CBLB: variants seen among roughly 807,000 people sequenced by gnomAD.
The protein encoded by CBLB is E3 ubiquitin-protein ligase CBL-B.
A neutral mutation model predicts 104.9 loss-of-function variants in CBLB; 31 were observed. The observed-to-expected ratio is 0.30, with a 90% CI of 0.22 to 0.40. The LOEUF (loss-of-function observed/expected upper bound fraction) is 0.40, where lower values mean the gene tolerates loss of function less well. CBLB is among the 10% of genes least tolerant of loss of function. The pLI, the probability that CBLB is intolerant of heterozygous loss-of-function variation, is 1.00. For missense variants in CBLB, 1,062 were observed against 1,214.6 expected (o/e 0.87, Z 1.87); for synonymous variants, 440 against 422.6 (o/e 1.04, Z -0.51).
At chr3:105,844,629 A>T (rs1195075268) in intron 3 of CBLB, among the ~76,000 whole-genome samples, 1 of 152,210 alleles carries the variant, frequency 6.6e-6, no homozygotes, top group African/African-American at 2.4e-5. Context: ...ATAAATCTGA[A>T]GAGACAAAAG....
At chr3:105,687,838 CA>C (rs537986457) in intron 13 of CBLB, among the ~76,000 whole-genome samples, 26 of 148,976 alleles carry the variant, frequency 1.7e-4, no homozygotes, top group South Asian at 1.7e-3. Flanking sequence ...TGGTTTCTAT[CA>C]AAAAAAATAA....
intron 4 of CBLB, among the ~76,000 whole-genome samples, chr3:105,768,937 CA>C (rs1166802530): frequency 2.0e-5 from 3 of 152,148 alleles, no homozygotes; most frequent in Non-Finnish European, 4.4e-5. Context: ...AAAAAGAGAT[CA>C]ATTTATATAT....
At chr3:105,861,684 TACACAC>T (rs147156324) in intron 2 of CBLB, among the ~76,000 whole-genome samples, 42 of 145,100 alleles carry the variant, frequency 2.9e-4, no homozygotes, top group African/African-American at 9.9e-4. Flanking sequence ...TGTGCACACA[TACACAC>T]ACACACACAC....
intron 4 of CBLB, among the ~76,000 whole-genome samples, chr3:105,767,192 C>T (rs777595154): frequency 2.6e-4 from 40 of 152,014 alleles, no homozygotes; most frequent in Non-Finnish European, 4.4e-4. Flanking sequence ...AGAGTATCTG[C>T]TAAAAATTTT....
Position 105,663,824 on chromosome 3 carries a change from G to C in CBLB, c.2690-4595C>G, listed in dbSNP as rs115964770. ...GCCTTCCAAAGAGCCATGGTACATA[G>C]AGATATACCTCTATCTCTATGTCTA... On this transcript the variant is annotated intron_variant, in intron 18 of 18. Coordinates refer to ENST00000394030, the MANE Select transcript of CBLB (RefSeq NM_170662.5). Among the ~76,000 whole-genome samples the C allele has an allele frequency of 6.3e-3, 957 of 151,156 alleles. 9 individuals carry two copies. Among genetic ancestry groups the C allele is most frequent in the African/African-American group, 0.022 (915 of 41,146 alleles).
intron 3 of CBLB, among the ~76,000 whole-genome samples, chr3:105,839,867 T>C (rs1053050487): frequency 9.9e-5 from 15 of 152,210 alleles, no homozygotes; most frequent in Admixed American, 9.2e-4. Flanking sequence ...ACATATGCAA[T>C]TGTAATGAGA....
intron 3 of CBLB, among the ~76,000 whole-genome samples, chr3:105,786,068 G>GGGGT (rs201171138): frequency 5.4e-5 from 8 of 148,582 alleles, no homozygotes; most frequent in African/African-American, 7.4e-5. Flanking sequence ...GATCGGGGGG[G>GGGGT]GGAAAGTGGG....
Position 105,723,375 on chromosome 3 carries a change from C to T in CBLB, c.1204-3125G>A, listed in dbSNP as rs73854390. The stretch of plus-strand genomic sequence containing the variant: ...TGTTAAGAGGAAGTACTGAGGACTC[C>T]GTCTATTCTAAATGACTCAGTAGGT... On this transcript the variant is annotated intron_variant, in intron 9 of 18. Coordinates refer to ENST00000394030, the MANE Select transcript of CBLB (RefSeq NM_170662.5). Among the ~76,000 whole-genome samples the T allele has an allele frequency of 6.4e-3, 980 of 152,184 alleles. 12 individuals carry two copies. The highest frequency in any genetic ancestry group is 0.023 in the African/African-American group (938 of 41,550).
intron 3 of CBLB, among the ~76,000 whole-genome samples, chr3:105,834,588 G>A (rs2088138247): frequency 1.3e-5 from 2 of 152,100 alleles, no homozygotes; most frequent in Admixed American, 6.5e-5. Flanking sequence ...CCAGGGAGGC[G>A]GAGCTTGCAG....
intron 3 of CBLB, among the ~76,000 whole-genome samples, chr3:105,797,893 C>T (rs2082412578): frequency 1.3e-5 from 2 of 152,330 alleles, no homozygotes; most frequent in Admixed American, 6.5e-5. Flanking sequence ...GAAGCTCTAT[C>T]CTTTTGATTA....
At chr3:105,841,093 A>C (rs1157329027) in intron 3 of CBLB, among the ~76,000 whole-genome samples, 4 of 152,114 alleles carry the variant, frequency 2.6e-5, no homozygotes, top group African/African-American at 9.7e-5. Flanking sequence ...CAGGAGTTTG[A>C]GACCAGTCTG....
At chr3:105,678,123 T>C (rs1383920662) in intron 17 of CBLB, among the ~76,000 whole-genome samples, 6 of 152,208 alleles carry the variant, frequency 3.9e-5, no homozygotes, top group Admixed American at 3.9e-4. Flanking sequence ...ACTATTAGCC[T>C]AACCCCTTAG....
intron 12 of CBLB, among the ~76,000 whole-genome samples, chr3:105,695,813 C>T (rs2068296836): frequency 6.6e-6 from 1 of 151,710 alleles, no homozygotes; most frequent in African/African-American, 2.4e-5. Flanking sequence ...TTAGGCCACA[C>T]TGGGCCTCTT....
rs149293415 is a variant in CBLB, at chr3:105,702,312, C to T, written c.1741G>A (p.Val581Met). 5.7e-4 allele frequency: 925 copies of T among 1,613,590 alleles called. No individual in the cohort carries two copies. Among genetic ancestry groups the T allele is most frequent in the Non-Finnish European group, 7.1e-4 (834 of 1,179,948 alleles). ...LSRHIHHVES[V>M]PSRDPPMPLE... The stretch of plus-strand genomic sequence containing the variant: ...GGCATTGGCGGGTCTCTGGAAGGCA[C>T]GCTTTCCACATGATGGATGTGTCTA... The change falls in exon 12 of 19, where the codon GTG (valine) becomes ATG (methionine). Residue 581 changes from valine (V) to methionine (M), a missense_variant. Coordinates refer to ENST00000394030, the MANE Select transcript of CBLB (RefSeq NM_170662.5).
At chr3:105,704,723 G>C (rs994218670) in intron 10 of CBLB, among the ~76,000 whole-genome samples, 1 of 151,918 alleles carries the variant, frequency 6.6e-6, no homozygotes, top group Non-Finnish European at 1.5e-5. Flanking sequence ...ACTACACATG[G>C]AAAAGATTCT....
chr3:105,830,040 T>TGATTG (rs2087242317), intron 3 of CBLB, among the ~76,000 whole-genome samples: 1 of 152,184 alleles, frequency 6.6e-6, no homozygotes, highest in African/African-American at 2.4e-5. Flanking sequence ...GGAATTCCAA[T>TGATTG]GCCTTAGGTG....
At chr3:105,685,027 G>C (rs2066836244) in intron 14 of CBLB, among the ~76,000 whole-genome samples, 1 of 152,150 alleles carries the variant, frequency 6.6e-6, no homozygotes, top group Non-Finnish European at 1.5e-5. Flanking sequence ...TGTACATCAT[G>C]AAGAAAAATT....
intron 12 of CBLB, among the ~76,000 whole-genome samples, chr3:105,697,032 T>C (rs555261534): frequency 2.0e-5 from 3 of 152,044 alleles, no homozygotes; most frequent in African/African-American, 7.2e-5. Flanking sequence ...TTTTTTCTTC[T>C]TGGGGATCCC....
chr3:105,834,137 C>T (rs934873580), intron 3 of CBLB, among the ~76,000 whole-genome samples: 10 of 151,170 alleles, frequency 6.6e-5, no homozygotes, highest in Non-Finnish European at 1.0e-4. Context: ...TCAAAGGATA[C>T]GAAATTTCAG....
Sources: allele counts gnomAD v4.1 joint callset (sites outside exome capture counted in the v4.1 genomes callset), GRCh38; gene constraint gnomAD v4.1.1; transcripts MANE v1.5; gene names NCBI Gene and HGNC (gene_info 2026-07-23, HGNC 2026-07-21).